LMX1A: variants seen among roughly 807,000 people sequenced by gnomAD.
LMX1A encodes LIM homeobox transcription factor 1 alpha, also known as LIM homeobox transcription factor 1-alpha.
LMX1A carries 15 observed loss-of-function variants against 49.1 expected under a neutral mutation model. The ratio of observed to expected loss-of-function variants is 0.31; its 90% confidence interval spans 0.20 to 0.47. LMX1A has a LOEUF of 0.47. LMX1A is among the 20% of genes least tolerant of loss of function. LMX1A has a pLI of 1.00. For missense variants in LMX1A, 372 were observed against 475.8 expected (o/e 0.78, Z 2.03); for synonymous variants, 167 against 185.7 (o/e 0.90, Z 0.82).
At chr1:165,315,617 ACT>A (rs1236513320) in intron 3 of LMX1A, among the ~76,000 whole-genome samples, 15 of 151,774 alleles carry the variant, frequency 9.9e-5, no homozygotes, top group Admixed American at 9.8e-4. Flanking sequence ...TGTCACCCTG[ACT>A]CCTTGTTAGG....
At chr1:165,333,940 C>T (rs147567458) in intron 3 of LMX1A, among the ~76,000 whole-genome samples, 1 of 152,158 alleles carries the variant, frequency 6.6e-6, no homozygotes, top group Non-Finnish European at 1.5e-5. Context: ...AGATTTGAAG[C>T]ACCTTTGCAT....
intron 3 of LMX1A, among the ~76,000 whole-genome samples, chr1:165,331,639 G>A (rs956127797): frequency 3.9e-5 from 6 of 152,122 alleles, no homozygotes; most frequent in Admixed American, 3.3e-4. Context: ...AGGTGGGGCC[G>A]GGCACGGTGG....
Position 165,241,516 on chromosome 1 carries a change from G to A in LMX1A, c.496+7892C>T, listed in dbSNP as rs567187622. On this transcript the variant is annotated intron_variant, in intron 4 of 8. Transcript: ENST00000342310. ...GGAAATAGAGTCCTGGAGAGGAGAAGTGGCTAGCTCAAAGTCACACTGCTT... is the reference window on the plus strand; with the variant it reads ...GGAAATAGAGTCCTGGAGAGGAGAAATGGCTAGCTCAAAGTCACACTGCTT... 1.2e-4 allele frequency among the ~76,000 whole-genome samples: 19 copies of A among 152,312 alleles called. No individual in the cohort carries two copies. The South Asian group carries it at 2.5e-3, about 20-fold the overall frequency.
In LMX1A at chr1:165,248,533, C is replaced by T. The variant is rs114332793; in HGVS notation, c.496+875G>A. Among the ~76,000 whole-genome samples, 162 of 152,310 alleles carry T rather than the reference C, an allele frequency of 1.1e-3. 1 individual carries two copies. The highest frequency in any genetic ancestry group is 3.8e-3 in the African/African-American group (158 of 41,554). On this transcript the variant is annotated intron_variant, in intron 4 of 8. Coordinates refer to ENST00000342310, the MANE Select transcript of LMX1A (RefSeq NM_177398.4). Reference sequence around the variant, plus strand: ...TGTTAATTTAATGTAATTTCTCTGACCTTGTGAAACCTGCCCTATAAAATC... The same window carrying T: ...TGTTAATTTAATGTAATTTCTCTGATCTTGTGAAACCTGCCCTATAAAATC...
At chr1:165,335,366 GT>G (rs1248035536) in intron 3 of LMX1A, among the ~76,000 whole-genome samples, 4 of 152,124 alleles carry the variant, frequency 2.6e-5, no homozygotes, top group African/African-American at 9.7e-5. Flanking sequence ...AAATGTGAGT[GT>G]ATGTCCATTC....
chr1:165,293,302 G>C (rs1056134695), intron 3 of LMX1A, among the ~76,000 whole-genome samples: 1 of 152,130 alleles, frequency 6.6e-6, no homozygotes, highest in Non-Finnish European at 1.5e-5. Context: ...ACTAACATTG[G>C]ATAAATGTGT....
chr1:165,249,750 G>A lies in LMX1A; in HGVS notation c.264-110C>T, dbSNP rs370812553. 2.1e-5 allele frequency: 15 copies of A among 724,424 alleles called. No individual in the cohort carries two copies. In the East Asian group the frequency reaches 2.2e-4, roughly 10 times the overall value. The allele number at this position is 724,424 out of a possible 1,614,324, so 44.9% of individuals were successfully genotyped here. On this transcript the variant is annotated intron_variant, in intron 3 of 8. Transcript: ENST00000342310. ...GAACTTCAAGAACTGGGATATGAACGTTAGAATGGAATGTACTTTAAATCC... is the reference window on the plus strand; with the variant it reads ...GAACTTCAAGAACTGGGATATGAACATTAGAATGGAATGTACTTTAAATCC...
At chr1:165,273,581 C>G (rs994559775) in intron 3 of LMX1A, among the ~76,000 whole-genome samples, 1 of 152,222 alleles carries the variant, frequency 6.6e-6, no homozygotes, top group Non-Finnish European at 1.5e-5. Flanking sequence ...TTAGATATGA[C>G]TCTTTCCCTC....
intron 3 of LMX1A, among the ~76,000 whole-genome samples, chr1:165,322,793 T>C (rs1224379442): frequency 3.9e-5 from 6 of 152,192 alleles, no homozygotes; most frequent in Non-Finnish European, 8.8e-5. Context: ...TTATACACTT[T>C]ACAATTTTAT....
rs184508506 is a variant in LMX1A, at chr1:165,255,768, G to T, written c.264-6128C>A. On this transcript the variant is annotated intron_variant, in intron 3 of 8. Coordinates refer to ENST00000342310, the MANE Select transcript of LMX1A (RefSeq NM_177398.4). ...GTGGGCGGATCACCTGAGGTCGGGA[G>T]GTCGAGACCAGCCTGGCCAACATGG... 6.3e-3 allele frequency among the ~76,000 whole-genome samples: 956 copies of T among 152,254 alleles called. 10 individuals carry two copies. The highest frequency in any genetic ancestry group is 0.022 in the African/African-American group (905 of 41,550).
chr1:165,303,306 T>A (rs1654835228), intron 3 of LMX1A, among the ~76,000 whole-genome samples: 1 of 152,188 alleles, frequency 6.6e-6, no homozygotes, highest in Non-Finnish European at 1.5e-5. Context: ...TAGCCCACAG[T>A]GTTTCTGCTG....
At chr1:165,292,631 AC>A (rs1353294137) in intron 3 of LMX1A, among the ~76,000 whole-genome samples, 1 of 152,160 alleles carries the variant, frequency 6.6e-6, no homozygotes, top group Non-Finnish European at 1.5e-5. Context: ...AAATTATTTC[AC>A]TTTATTTCCT....
intron 6 of LMX1A, among the ~76,000 whole-genome samples, chr1:165,210,432 C>T (rs920995893): frequency 1.3e-5 from 2 of 152,192 alleles, no homozygotes; most frequent in Admixed American, 1.3e-4. Flanking sequence ...CACAGAAAGA[C>T]ATTTATTCAT....
intron 4 of LMX1A, among the ~76,000 whole-genome samples, chr1:165,242,460 A>T (rs1194140792): frequency 2.5e-5 from 3 of 117,878 alleles, no homozygotes; most frequent in Non-Finnish European, 5.5e-5. Flanking sequence ...AATGATACAT[A>T]AAAAAGCAAA....
chr1:165,208,190 G>GT, intron 6 of LMX1A, 58 bp from the exon 7 acceptor site: 1 of 1,508,014 alleles, frequency 6.6e-7, no homozygotes, highest in Non-Finnish European at 9.2e-7. Context: ...TGTTCACAAA[G>GT]TAAGGGGGGG....
At chr1:165,327,850 T>C (rs554698387) in intron 3 of LMX1A, among the ~76,000 whole-genome samples, 9 of 152,370 alleles carry the variant, frequency 5.9e-5, no homozygotes, top group African/African-American at 1.2e-4. Context: ...AGCAGCATTG[T>C]GTCCATTGTA....
chr1:165,205,767 T>C, intron 8 of LMX1A, 97 bp downstream of exon 8: 1 of 1,187,952 alleles, frequency 8.4e-7, no homozygotes, highest in South Asian at 1.4e-5. Context: ...GCTTTGGAAC[T>C]TCGGTGAGCA....
chr1:165,288,680 G>A (rs1654368091), intron 3 of LMX1A, among the ~76,000 whole-genome samples: 1 of 152,228 alleles, frequency 6.6e-6, no homozygotes, highest in African/African-American at 2.4e-5. Context: ...ATCTGTATGA[G>A]GTACACCGTG....
intron 3 of LMX1A, among the ~76,000 whole-genome samples, chr1:165,349,389 T>C (rs1234239379): frequency 1.3e-5 from 2 of 152,244 alleles, no homozygotes; most frequent in Non-Finnish European, 2.9e-5. Context: ...ATTTTGATTG[T>C]CTGCTAACTT....
Sources: allele counts gnomAD v4.1 joint callset (sites outside exome capture counted in the v4.1 genomes callset), GRCh38; gene constraint gnomAD v4.1.1; transcripts MANE v1.5; gene names NCBI Gene and HGNC (gene_info 2026-07-23, HGNC 2026-07-21).